Variants in PGAM1 observed in about 807,000 individuals in gnomAD.
PGAM1 encodes the protein BPG-dependent PGAM 1.
Under a neutral mutation model 23.5 loss-of-function variants are expected in PGAM1, and 21 were observed. The ratio of observed to expected loss-of-function variants is 0.89; its 90% CI spans 0.63 to 1.29. PGAM1 has a LOEUF of 1.29. PGAM1 is among the 50% of genes most tolerant of loss of function. PGAM1 has a pLI of 0.00. For synonymous variants in PGAM1, 109 were observed against 128.6 expected (o/e 0.85, Z 1.03); for missense variants, 232 against 336.3 (o/e 0.69, Z 2.42).
intron 1 of PGAM1, chr10:97,427,778 C>G: frequency 7.8e-7 from 1 of 1,288,582 alleles, no homozygotes; most frequent in Non-Finnish European, 1.0e-6. Flanking sequence ...GGGGCAGATC[C>G]TCCTTTGCTC....
intron 1 of PGAM1, chr10:97,427,662 C>T: frequency 2.5e-6 from 3 of 1,195,688 alleles, no homozygotes; most frequent in East Asian, 5.9e-5. Context: ...GGCTTGCTCC[C>T]GCCCCAGTCT....
chr10:97,432,289 A>C (rs1437564212), intron 3 of PGAM1, 66 bp from the exon 4 acceptor site: 45 of 1,604,106 alleles, frequency 2.8e-5, no homozygotes, highest in Non-Finnish European at 3.8e-5. Flanking sequence ...CCTGGAGGAC[A>C]AAGTAAACCT....
Position 97,426,443 on chromosome 10 carries a change from C to A in PGAM1, c.136C>A (p.Arg46=). 1 of 1,600,560 alleles carries A rather than the reference C, an allele frequency of 6.2e-7. No individual in the cohort carries two copies. Among genetic ancestry groups the A allele is most frequent in the Non-Finnish European group, 8.5e-7 (1 of 1,174,594 alleles). Residue 46 remains arginine (R), a synonymous_variant, in exon 1 of 4, where the codon CGA becomes AGA. Coordinates refer to ENST00000334828, the MANE Select transcript of PGAM1 (RefSeq NM_002629.4). ...EEAKRGGQAL[R]DAGYEFDICF... ...GGCGAAGCGCGGCGGGCAGGCGCTA[C>A]GAGGTGCGGAGGGGCCGGGTGTGGG...
intron 1 of PGAM1, chr10:97,427,556 G>A (rs1011738575): frequency 8.7e-7 from 1 of 1,149,000 alleles, no homozygotes; most frequent in East Asian, 6.4e-5. Flanking sequence ...CCTAGTCCTG[G>A]GTGAAGTAAC....
At position 97,426,372 on chromosome 10, in the gene PGAM1, TC is replaced by T; in HGVS notation, c.66del (p.Phe22LeufsTer9). ...AGCGCATGGAACCTGGAGAACCGCT[TC>T]AGCGGCTGGTACGACGCCGACCTGA... ...GESAWNLENR[F>X]SGWYDADLSP... On this transcript the variant is annotated frameshift_variant, in exon 1 of 4. Coordinates refer to ENST00000334828, the MANE Select transcript of PGAM1 (RefSeq NM_002629.4). LOFTEE classifies it high-confidence loss of function. 6.2e-7 allele frequency: 1 copy of T among 1,609,322 alleles called. No individual in the cohort carries two copies.
chr10:97,432,522 T>G lies in PGAM1; in HGVS notation c.763T>G (p.Ter255GlyextTer29), dbSNP rs1845482420. The G allele has an allele frequency of 6.3e-7, 1 of 1,590,590 alleles. No homozygotes were observed. The highest frequency in any genetic ancestry group is 8.6e-7 in the Non-Finnish European group (1 of 1,161,594). ...GGCTGCCCAGGGCAAGGCCAAGAAG[T>G]GAAGGCCGGCGGGGAGGATACTGTC... ...AVAAQGKAKK[*>G] The change falls in exon 4 of 4, where the codon TGA (stop) becomes GGA (glycine). Residue 255 changes from the stop codon to glycine, a stop_lost. Transcript: ENST00000334828.
chr10:97,426,571 T>C (rs1157267343), intron 1 of PGAM1, 125 bp downstream of exon 1: 2 of 1,248,058 alleles, frequency 1.6e-6, no homozygotes, highest in African/African-American at 1.6e-5. Context: ...AACAGTTTAG[T>C]GTGTAGTTGA....
At chr10:97,427,528 C>A in intron 1 of PGAM1, 1 of 1,086,594 alleles carries the variant, frequency 9.2e-7, no homozygotes, top group Non-Finnish European at 1.1e-6. Context: ...TATCTGATTC[C>A]TAGTCCAGTG....
intron 1 of PGAM1, among the ~76,000 whole-genome samples, chr10:97,426,788 T>C (rs1354433659): frequency 6.6e-6 from 1 of 151,716 alleles, no homozygotes; most frequent in East Asian, 1.9e-4. Context: ...AATCCCAGCA[T>C]GTGGGGAGGC....
chr10:97,430,643 A>G lies in PGAM1; in HGVS notation c.404A>G (p.Asn135Ser), dbSNP rs943136265. ...PMEPDHPFYSNISKDRRYADL... is the reference protein window; with the variant it reads ...PMEPDHPFYSSISKDRRYADL... ...GAGCCCGACCATCCTTTCTACAGCA[A>G]CATCAGTAAGGTATGGACAAACAGA... Residue 135 changes from asparagine to serine, a missense_variant, in exon 2 of 4, where the codon AAC becomes AGC. Transcript: ENST00000334828. 14 of 1,603,028 alleles carry G rather than the reference A, an allele frequency of 8.7e-6. No homozygotes were observed. The highest frequency in any genetic ancestry group is 4.0e-5 in the African/African-American group (3 of 74,926).
rs1209900689 is a variant in PGAM1 at position 97,429,090 on chromosome 10, TCC to T, written c.140-1288_140-1287del. 4.8e-5 allele frequency among the ~76,000 whole-genome samples: 7 copies of T among 146,278 alleles called. No homozygotes were observed. The East Asian group carries it at 1.2e-3, about 25-fold the overall frequency. On this transcript the variant is annotated intron_variant, in intron 1 of 3. Coordinates refer to ENST00000334828, the MANE Select transcript of PGAM1 (RefSeq NM_002629.4). Reference sequence around the variant, plus strand: ...ATGAAACAAAATCAATAAGACTGATTCCTTTTTTTTTTTTTTTTTTTTTTTTT... The same window carrying T: ...ATGAAACAAAATCAATAAGACTGATTTTTTTTTTTTTTTTTTTTTTTTTTT...
chr10:97,429,832 T>G (rs566743534), intron 1 of PGAM1, among the ~76,000 whole-genome samples: 1 of 152,070 alleles, frequency 6.6e-6, no homozygotes, highest in Non-Finnish European at 1.5e-5. Context: ...AAAATATCTT[T>G]TATAAGTGAC....
rs888329236 is a variant in PGAM1 at position 97,429,092 on chromosome 10, C to CTTTTT, written c.140-1266_140-1262dup. Among the ~76,000 whole-genome samples the CTTTTT allele has an allele frequency of 2.4e-3, 202 of 84,754 alleles. 5 individuals are homozygous for CTTTTT. The highest frequency in any genetic ancestry group is 3.1e-3 in the African/African-American group (56 of 18,088). The allele number at this position is 84,754 out of a possible 152,430, so 55.6% of individuals were successfully genotyped here. On this transcript the variant is annotated intron_variant, in intron 1 of 3. Coordinates refer to ENST00000334828, the MANE Select transcript of PGAM1 (RefSeq NM_002629.4). ...GAAACAAAATCAATAAGACTGATTCCTTTTTTTTTTTTTTTTTTTTTTTTT... is the reference window on the plus strand; with the variant it reads ...GAAACAAAATCAATAAGACTGATTCCTTTTTTTTTTTTTTTTTTTTTTTTTTTTTT...
intron 1 of PGAM1, chr10:97,427,309 G>T (rs1428366718): frequency 1.0e-6 from 1 of 986,398 alleles, no homozygotes; most frequent in Non-Finnish European, 1.2e-6. Context: ...AGAAATCCGC[G>T]TGGTTGTGCA....
chr10:97,431,032 G>C lies in PGAM1; in HGVS notation c.492G>C (p.Leu164=), dbSNP rs1845465256. The C allele has an allele frequency of 6.2e-7, 1 of 1,613,954 alleles. No homozygotes were observed. Among genetic ancestry groups the C allele is most frequent in the East Asian group, 2.2e-5 (1 of 44,866 alleles). The change falls in exon 3 of 4, where the codon CTG becomes CTC. Residue 164 remains leucine (L), a synonymous_variant. Coordinates refer to ENST00000334828, the MANE Select transcript of PGAM1 (RefSeq NM_002629.4). ...ESLKDTIARA[L]PFWNEEIVPQ... is the part of the protein sequence containing the mutation. ...TGAAGGATACTATTGCCAGAGCTCT[G>C]CCCTTCTGGAATGAAGAAATAGTTC...
At chr10:97,428,568 T>C (rs1845436327) in intron 1 of PGAM1, among the ~76,000 whole-genome samples, 1 of 152,234 alleles carries the variant, frequency 6.6e-6, no homozygotes, top group Non-Finnish European at 1.5e-5. Flanking sequence ...AGGACCTATT[T>C]ATGTGTCCAA....
At chr10:97,430,774 A>G in intron 2 of PGAM1, 121 bp downstream of exon 2, 1 of 1,505,428 alleles carries the variant, frequency 6.6e-7, no homozygotes, top group Non-Finnish European at 9.1e-7. Flanking sequence ...TTCCTTCTCC[A>G]GTGAATGACC....
intron 1 of PGAM1, among the ~76,000 whole-genome samples, chr10:97,429,204 C>T (rs7090595): frequency 0.22 from 33,347 of 149,198 alleles, 3,996 homozygotes; most frequent in Non-Finnish European, 0.26. Flanking sequence ...CCCGGATTCA[C>T]GCCATTCTCC....
Position 97,430,813 on chromosome 10 carries a change from T to C in PGAM1, c.415-142T>C, listed in dbSNP as rs532206609. 18 of 1,470,870 alleles carry C rather than the reference T, an allele frequency of 1.2e-5. No individual in the cohort carries two copies. In the African/African-American group the frequency reaches 2.1e-4, roughly 17 times the overall value. The allele number at this position is 1,470,870 out of a possible 1,614,324, so 91.1% of individuals were successfully genotyped here. ...ACTTACTAGAAGATATGGTTGATAG[T>C]TTACTATCTCCTTTTTTGTGTTTCC... On this transcript the variant is annotated intron_variant, in intron 2 of 3. Transcript: ENST00000334828.
Sources: allele counts gnomAD v4.1 joint callset (sites outside exome capture counted in the v4.1 genomes callset), GRCh38; gene constraint gnomAD v4.1.1; transcripts MANE v1.5; gene names NCBI Gene and HGNC (gene_info 2026-07-23, HGNC 2026-07-21).